STX8: variants seen among roughly 807,000 people sequenced by gnomAD.
STX8 encodes the protein syntaxin-8.
A neutral mutation model predicts 37.5 loss-of-function variants in STX8; 23 were observed. The observed-to-expected ratio is 0.61, with a 90% CI of 0.44 to 0.87. The LOEUF is 0.87. Ranked by LOEUF, STX8 falls within the 40% of genes least tolerant of loss-of-function variation. The probability of loss-of-function intolerance (pLI) is 0.00; values close to 1 mark genes in which losing one functional copy is unlikely to be tolerated. For missense variants in STX8, 313 were observed against 284.7 expected, an observed-to-expected ratio of 1.10 and a Z score of -0.71; for synonymous variants, 115 against 99.1, an observed-to-expected ratio of 1.16 and a Z score of -0.95.
chr17:9,368,226 C>T (rs939155675), intron 7 of STX8, among the ~76,000 whole-genome samples: 38 of 150,814 alleles, frequency 2.5e-4, no homozygotes, highest in Admixed American at 2.3e-3. Context: ...ATTGATGGGC[C>T]AGGCATGGTG....
intron 6 of STX8, among the ~76,000 whole-genome samples, chr17:9,390,353 C>T (rs1166102903): frequency 6.6e-6 from 1 of 151,706 alleles, no homozygotes; most frequent in Non-Finnish European, 1.5e-5. Flanking sequence ...GAAACCCCGT[C>T]TCTACTAAAT....
chr17:9,327,090 G>A (rs1384104642), intron 7 of STX8, among the ~76,000 whole-genome samples: 1 of 151,706 alleles, frequency 6.6e-6, no homozygotes, highest in Admixed American at 6.6e-5. Context: ...CTGGGAGGCG[G>A]AGGTTGCAGT....
At chr17:9,557,227 C>T (rs1410920390) in intron 3 of STX8, 6 of 500,840 alleles carry the variant, frequency 1.2e-5, no homozygotes, top group East Asian at 1.1e-4. Flanking sequence ...AGTTAATTCC[C>T]TCGGTAGGTC....
In STX8 at chr17:9,519,742, G is replaced by T. The variant is rs777113899; in HGVS notation, c.324-14580C>A. On this transcript the variant is annotated intron_variant, in intron 4 of 7. Transcript: ENST00000306357. ...TCGGCCCTCCAGACTGCTCCCCACCGCTCAGACAAAGGCAAAACTTTCACA... is the reference window on the plus strand; with the variant it reads ...TCGGCCCTCCAGACTGCTCCCCACCTCTCAGACAAAGGCAAAACTTTCACA... Among the ~76,000 whole-genome samples the T allele has an allele frequency of 3.1e-3, 175 of 56,224 alleles. 2 individuals are homozygous for T. Among genetic ancestry groups the T allele is most frequent in the Admixed American group, 8.7e-3 (42 of 4,850 alleles). The allele number at this position is 56,224 out of a possible 152,430, so 36.9% of individuals were successfully genotyped here. A position where few individuals can be genotyped will look rare whatever the true frequency, so the allele number is the denominator to read the frequency against.
intron 6 of STX8, among the ~76,000 whole-genome samples, chr17:9,414,226 A>G (rs1913098960): frequency 6.6e-6 from 1 of 151,356 alleles, no homozygotes; most frequent in Non-Finnish European, 1.5e-5. Flanking sequence ...GGTAAGTGGT[A>G]GCTACAGAAT....
At chr17:9,282,693 G>C (rs1293201412) in intron 7 of STX8, among the ~76,000 whole-genome samples, 1 of 152,122 alleles carries the variant, frequency 6.6e-6, no homozygotes, top group Non-Finnish European at 1.5e-5. Flanking sequence ...GAAAGAAAAA[G>C]TCAGCCAATG....
rs1904776586 is a variant in STX8 at position 9,505,128 on chromosome 17, C to T, written c.358G>A (p.Ala120Thr). The T allele has an allele frequency of 1.2e-6, 2 of 1,613,942 alleles. No homozygotes were observed. The highest frequency in any genetic ancestry group is 2.2e-5 in the East Asian group (1 of 44,898). Residue 120 changes from alanine (A) to threonine (T), a missense_variant, in exon 5 of 8, where the codon GCA becomes ACA. By Grantham distance (58) the Ala-to-Thr change is moderately conservative. Transcript: ENST00000306357. The part of the protein sequence containing the change: ...SLMSEEAKRG[A>T]PNPWLFEEPE... ...TCCTCAAAGAGCCAAGGGTTGGGTG[C>T]TCCTCGCTTAGCCTCTTCACTCATC...
At position 9,296,525 on chromosome 17, in the gene STX8, GTGTAAA is replaced by G. The variant is rs1261581451; in HGVS notation, c.644-45886_644-45881del. 3.4e-5 allele frequency among the ~76,000 whole-genome samples: 5 copies of G among 147,580 alleles called. No homozygotes were observed. The East Asian group carries it at 7.8e-4, about 23-fold the overall frequency. The stretch of plus-strand genomic sequence containing the variant: ...CAAAAAAAAAAAAAAATGTATATTA[GTGTAAA>G]TGTAAATGTTATGACATGATTAATT... On this transcript the variant is annotated intron_variant, in intron 7 of 7. Coordinates refer to ENST00000306357, the MANE Select transcript of STX8 (RefSeq NM_004853.3).
At chr17:9,339,082 A>G (rs1244815767) in intron 7 of STX8, among the ~76,000 whole-genome samples, 1 of 151,714 alleles carries the variant, frequency 6.6e-6, no homozygotes, top group African/African-American at 2.4e-5. Context: ...AAAAAAAAAA[A>G]AAAAAAAAAT....
chr17:9,414,088 A>AC (rs1567549716), intron 6 of STX8, among the ~76,000 whole-genome samples: 2 of 63,844 alleles, frequency 3.1e-5, no homozygotes, highest in Middle Eastern at 6.2e-3. Context: ...CTGTCCATCC[A>AC]TCCATCCATC....
At chr17:9,339,147 C>T (rs1910244696) in intron 7 of STX8, among the ~76,000 whole-genome samples, 1 of 151,820 alleles carries the variant, frequency 6.6e-6, no homozygotes. Context: ...AAGACTACAG[C>T]ATCCTGAGAC....
chr17:9,485,741 A>C (rs1043968181), intron 6 of STX8, among the ~76,000 whole-genome samples: 4 of 152,002 alleles, frequency 2.6e-5, no homozygotes, highest in African/African-American at 9.7e-5. Flanking sequence ...ATGTGCCACC[A>C]CACCCAGCTA....
intron 7 of STX8, among the ~76,000 whole-genome samples, chr17:9,277,310 G>C (rs182568937): frequency 6.6e-6 from 1 of 152,138 alleles, no homozygotes; most frequent in Non-Finnish European, 1.5e-5. Flanking sequence ...GGAGCACGGG[G>C]TGTGGATGGA....
At chr17:9,535,599 A>AT (rs1196546891) in intron 4 of STX8, among the ~76,000 whole-genome samples, 3 of 151,288 alleles carry the variant, frequency 2.0e-5, no homozygotes, top group African/African-American at 7.3e-5. Flanking sequence ...CGCCTGGCTA[A>AT]TTTTTTGTAT....
intron 6 of STX8, among the ~76,000 whole-genome samples, chr17:9,414,109 T>A (rs1360243252): frequency 3.8e-4 from 4 of 10,468 alleles, no homozygotes; most frequent in African/African-American, 2.0e-3. Context: ...CATCCATCCA[T>A]CCATCCATCC....
chr17:9,332,489 T>C (rs981911664), intron 7 of STX8, among the ~76,000 whole-genome samples: 1 of 152,244 alleles, frequency 6.6e-6, no homozygotes, highest in Non-Finnish European at 1.5e-5. Flanking sequence ...GACCTAGATC[T>C]GTAATGACAT....
At position 9,325,540 on chromosome 17, in the gene STX8, T is replaced by C. The variant is rs368873006; in HGVS notation, c.643+53012A>G. ...CCATGCTTGATTCAACACTCTGCTG[T>C]TGCCATCTTGACATTCTTGATAATT... On this transcript the variant is annotated intron_variant, in intron 7 of 7. Transcript: ENST00000306357. Among the ~76,000 whole-genome samples, 40 of 152,338 alleles carry C rather than the reference T, an allele frequency of 2.6e-4. No individual in the cohort carries two copies. The South Asian group carries it at 8.1e-3, about 31-fold the overall frequency.
chr17:9,264,609 T>C lies in STX8; in HGVS notation c.644-13964A>G, dbSNP rs145102861. ...CATGAGCCACTGCACCCAGCCTGAT[T>C]TTTTAAACACAGCAATAGATAACCA... On this transcript the variant is annotated intron_variant, in intron 7 of 7. Transcript: ENST00000306357. 1.4e-3 allele frequency among the ~76,000 whole-genome samples: 218 copies of C among 152,218 alleles called. 3 individuals carry two copies. The highest frequency in any genetic ancestry group is 4.9e-3 in the African/African-American group (203 of 41,552).
intron 6 of STX8, among the ~76,000 whole-genome samples, chr17:9,459,193 TTGTTA>T (rs1567570242): frequency 6.6e-6 from 1 of 151,906 alleles, no homozygotes; most frequent in East Asian, 1.9e-4. Context: ...AGACATAGAG[TTGTTA>T]ACTAGGTGAG....
Sources: gnomAD v4.1 joint callset for allele counts (sites outside exome capture counted in the v4.1 genomes callset) on GRCh38, gnomAD v4.1.1 for gene constraint, MANE v1.5 for transcripts, NCBI Gene and HGNC (gene_info 2026-07-23, HGNC 2026-07-21) for gene names.